The following CSNK1G3 variants were observed in gnomAD, a reference collection of about 807,000 sequenced individuals.
The protein encoded by CSNK1G3 is casein kinase 1 gamma 3, also known as casein kinase I isoform gamma-3.
Under a neutral mutation model 64.3 loss-of-function variants are expected in CSNK1G3, and 23 were observed. The ratio of observed to expected loss-of-function variants is 0.36; its 90% CI spans 0.26 to 0.51. The LOEUF is 0.51. Ranked by LOEUF, CSNK1G3 falls within the 20% of genes least tolerant of loss-of-function variation. CSNK1G3 has a pLI of 0.96. For synonymous variants in CSNK1G3, 158 were observed against 162.2 expected (o/e 0.97, Z 0.20); for missense variants, 357 against 510.5 (o/e 0.70, Z 2.90).
chr5:123,572,750 T>G (rs1480926895), intron 4 of CSNK1G3, among the ~76,000 whole-genome samples: 3 of 152,212 alleles, frequency 2.0e-5, no homozygotes, highest in African/African-American at 4.8e-5. Flanking sequence ...CTCTGCTGTT[T>G]CCAATATCTC....
intron 3 of CSNK1G3, among the ~76,000 whole-genome samples, chr5:123,554,309 T>C (rs1784217285): frequency 6.6e-6 from 1 of 152,136 alleles, no homozygotes; most frequent in Non-Finnish European, 1.5e-5. Flanking sequence ...CAAAACGTGA[T>C]TAGGTTATCT....
chr5:123,611,192 G>A (rs1261341431), intron 12 of CSNK1G3, among the ~76,000 whole-genome samples: 1 of 152,102 alleles, frequency 6.6e-6, no homozygotes, highest in South Asian at 2.1e-4. Context: ...AAGCCATAAG[G>A]TTAAAACATC....
intron 4 of CSNK1G3, among the ~76,000 whole-genome samples, chr5:123,559,176 A>G (rs1351356626): frequency 6.6e-6 from 1 of 152,138 alleles, no homozygotes; most frequent in Non-Finnish European, 1.5e-5. Flanking sequence ...TCCGAACTTT[A>G]GAGACTGAGA....
chr5:123,562,752 G>T (rs1371126223), intron 4 of CSNK1G3, among the ~76,000 whole-genome samples: 1 of 151,892 alleles, frequency 6.6e-6, no homozygotes, highest in East Asian at 1.9e-4. Context: ...AATTATTGGT[G>T]AGAATTTTTT....
chr5:123,595,048 C>G, intron 10 of CSNK1G3: 1 of 1,613,554 alleles, frequency 6.2e-7, no homozygotes, highest in Non-Finnish European at 8.5e-7. Flanking sequence ...GTCGGCAGAC[C>G]ACAGGGCAGC....
At chr5:123,515,440 ATG>A (rs1047960216) in intron 1 of CSNK1G3, among the ~76,000 whole-genome samples, 24 of 152,346 alleles carry the variant, frequency 1.6e-4, no homozygotes, top group African/African-American at 5.3e-4. Context: ...AATGTAAAGA[ATG>A]TATATTTTCA....
At chr5:123,565,022 T>C (rs1786553470) in intron 4 of CSNK1G3, among the ~76,000 whole-genome samples, 1 of 152,186 alleles carries the variant, frequency 6.6e-6, no homozygotes, top group Non-Finnish European at 1.5e-5. Context: ...CACAGAAATA[T>C]AAAAATGTTG....
intron 1 of CSNK1G3, among the ~76,000 whole-genome samples, chr5:123,543,272 T>C (rs1323130171): frequency 6.6e-6 from 1 of 152,154 alleles, no homozygotes; most frequent in Non-Finnish European, 1.5e-5. Context: ...GTAGGCCTTA[T>C]GTCGGGTATG....
intron 6 of CSNK1G3, among the ~76,000 whole-genome samples, chr5:123,584,081 G>A (rs1016002578): frequency 3.9e-5 from 6 of 152,018 alleles, no homozygotes; most frequent in African/African-American, 1.5e-4. Context: ...AGGTTATTTG[G>A]ATTTTTCTAC....
At chr5:123,547,379 C>T (rs565076314) in intron 2 of CSNK1G3, among the ~76,000 whole-genome samples, 50 of 152,218 alleles carry the variant, frequency 3.3e-4, no homozygotes, top group African/African-American at 1.2e-3. Flanking sequence ...CACACACACA[C>T]AGATACATAT....
At chr5:123,527,350 G>A (rs1779266688) in intron 1 of CSNK1G3, among the ~76,000 whole-genome samples, 1 of 152,162 alleles carries the variant, frequency 6.6e-6, no homozygotes, top group Admixed American at 6.5e-5. Flanking sequence ...TCTATCTTAA[G>A]GCTTTCATAG....
intron 4 of CSNK1G3, among the ~76,000 whole-genome samples, chr5:123,566,762 G>C (rs1303181032): frequency 6.6e-6 from 1 of 151,718 alleles, no homozygotes; most frequent in Non-Finnish European, 1.5e-5. Flanking sequence ...TTTTCTTTGT[G>C]GTCCTAGAAT....
chr5:123,607,606 G>A (rs944702768), intron 12 of CSNK1G3, among the ~76,000 whole-genome samples: 1 of 152,164 alleles, frequency 6.6e-6, no homozygotes, highest in African/African-American at 2.4e-5. Flanking sequence ...AGGAGGATGG[G>A]ATTTCTTTAT....
At chr5:123,586,570 C>G (rs1791370843) in intron 6 of CSNK1G3, among the ~76,000 whole-genome samples, 1 of 152,070 alleles carries the variant, frequency 6.6e-6, no homozygotes, top group Non-Finnish European at 1.5e-5. Flanking sequence ...AAAAAAACCT[C>G]TCCGTTATAT....
intron 6 of CSNK1G3, among the ~76,000 whole-genome samples, chr5:123,587,664 G>A (rs530947723): frequency 1.3e-5 from 2 of 152,242 alleles, no homozygotes; most frequent in East Asian, 3.9e-4. Context: ...TTTAGGAAAT[G>A]CAGGGTTGAA....
chr5:123,609,470 A>C (rs1486501981), intron 12 of CSNK1G3, among the ~76,000 whole-genome samples: 2 of 152,190 alleles, frequency 1.3e-5, no homozygotes, highest in African/African-American at 4.8e-5. Context: ...CCATTTGTTT[A>C]GTTTCTATAA....
At chr5:123,597,994 C>G (rs1476819784) in intron 10 of CSNK1G3, among the ~76,000 whole-genome samples, 5 of 152,108 alleles carry the variant, frequency 3.3e-5, no homozygotes, top group African/African-American at 1.2e-4. Flanking sequence ...ATTAGAGGTA[C>G]AGTCAAAAGA....
chr5:123,587,108 A>G (rs1019090977), intron 6 of CSNK1G3, among the ~76,000 whole-genome samples: 4 of 152,212 alleles, frequency 2.6e-5, no homozygotes, highest in African/African-American at 7.2e-5. Flanking sequence ...TGTGAACACA[A>G]CCAAACCATA....
At chr5:123,594,015 C>G (rs1792940298) in intron 10 of CSNK1G3, among the ~76,000 whole-genome samples, 2 of 152,166 alleles carry the variant, frequency 1.3e-5, no homozygotes, top group South Asian at 4.1e-4. Context: ...ATTGGAAGAG[C>G]ATTATGCTCT....
Sources: allele counts gnomAD v4.1 joint callset (sites outside exome capture counted in the v4.1 genomes callset), GRCh38; gene constraint gnomAD v4.1.1; transcripts MANE v1.5; gene names NCBI Gene and HGNC (gene_info 2026-07-23, HGNC 2026-07-21).